The following NEU3 variants were observed in gnomAD, a reference collection of about 807,000 sequenced individuals.
NEU3 encodes neuraminidase 3, also known as sialidase-3.
A neutral mutation model predicts 11.4 loss-of-function variants in NEU3; 10 were observed. The ratio of observed to expected loss-of-function variants is 0.88; its 90% CI spans 0.54 to 1.49. NEU3 has a LOEUF of 1.49. Among genes scored for constraint, NEU3 ranks in the 40% most tolerant of loss-of-function variants. The pLI is 0.00. For synonymous variants in NEU3, 212 were observed against 228.2 expected, an observed-to-expected ratio of 0.93 and a Z score of 0.64; for missense variants, 529 against 581.8, an observed-to-expected ratio of 0.91 and a Z score of 0.93.
At chr11:75,017,325 T>G (rs1033505654) in intron 3 of NEU3, among the ~76,000 whole-genome samples, 1 of 152,118 alleles carries the variant, frequency 6.6e-6, no homozygotes, top group African/African-American at 2.4e-5. Flanking sequence ...CTTGCTAAGG[T>G]GCTGAGGCTG....
At chr11:75,000,623 AT>A (rs201642187) in intron 2 of NEU3, among the ~76,000 whole-genome samples, 9,179 of 142,664 alleles carry the variant, frequency 0.064, 321 homozygotes, top group South Asian at 0.23. Context: ...TTGTTTATAC[AT>A]TTTTTTTTTT....
chr11:74,988,538 T>C (rs2140229664), upstream of NEU3: 1 of 155,022 alleles, frequency 6.5e-6, no homozygotes, highest in African/African-American at 2.4e-5. Context: ...CATTTTCATA[T>C]TTTGCAAGGA....
intron 2 of NEU3, among the ~76,000 whole-genome samples, chr11:75,000,879 G>T (rs2140245242): frequency 1.3e-5 from 2 of 151,744 alleles, no homozygotes; most frequent in Admixed American, 1.3e-4. Context: ...GGATACTTTG[G>T]TTGCTTTTGC....
chr11:74,980,565 G>A, the NEU3 span, among the ~76,000 whole-genome samples: 9 of 152,154 alleles, frequency 5.9e-5, no homozygotes, highest in Admixed American at 2.0e-4. Context: ...TTAATAGCAC[G>A]TTAATTTAGA....
upstream of NEU3, chr11:74,988,894 T>C: frequency 1.6e-6 from 1 of 631,246 alleles, no homozygotes; most frequent in Non-Finnish European, 2.8e-6. Flanking sequence ...GACTACAGCC[T>C]GCGCCCGCCT....
intron 1 of NEU3, among the ~76,000 whole-genome samples, chr11:74,989,435 G>A (rs997299009): frequency 3.3e-5 from 5 of 152,176 alleles, no homozygotes; most frequent in Non-Finnish European, 5.9e-5. Flanking sequence ...GGCAGAAAGA[G>A]CCCTGAGCTT....
chr11:75,015,648 GTACT>G (rs1030255450), downstream of NEU3, among the ~76,000 whole-genome samples: 1 of 152,058 alleles, frequency 6.6e-6, no homozygotes, highest in African/African-American at 2.4e-5. Flanking sequence ...TTATGTTATG[GTACT>G]TACTTCTTCA....
the NEU3 span, among the ~76,000 whole-genome samples, chr11:74,982,221 C>A: frequency 6.6e-6 from 1 of 152,162 alleles, no homozygotes; most frequent in South Asian, 2.1e-4. Context: ...GACACAAAGC[C>A]GTTCTCCTTA....
At position 74,994,566 on chromosome 11, in the gene NEU3, A is replaced by G. The variant is rs1361787061; in HGVS notation, c.152A>G (p.Asp51Gly). 6.2e-7 allele frequency: 1 copy of G among 1,613,956 alleles called. No homozygotes were observed. The highest frequency in any genetic ancestry group is 2.2e-5 in the East Asian group (1 of 44,880). The change falls in exon 2 of 3, where the codon GAT becomes GGT. Residue 51 changes from aspartate to glycine, a missense_variant. Physicochemically the swap from Asp to Gly is moderately conservative, Grantham distance 94. Coordinates refer to ENST00000294064, the MANE Select transcript of NEU3 (RefSeq NM_006656.6). ...SFNSPLFRQE[D>G]DRGITYRIPA... ...AACAGCCCTCTGTTCCGGCAGGAAG[A>G]TGACAGAGGGATTACCTACCGGATC...
At chr11:74,985,606 C>T (rs1022995414), upstream of NEU3, among the ~76,000 whole-genome samples, 9 of 152,152 alleles carry the variant, frequency 5.9e-5, no homozygotes, top group Admixed American at 4.6e-4. Context: ...GAAGGACCCA[C>T]GCGACTCAGC....
intron 2 of NEU3, among the ~76,000 whole-genome samples, chr11:75,003,789 T>C (rs1168852321): frequency 2.0e-5 from 3 of 152,010 alleles, no homozygotes; most frequent in African/African-American, 4.8e-5. Flanking sequence ...ACTGAGGAGA[T>C]TGAGGCGTGA....
At position 74,994,116 on chromosome 11, in the gene NEU3, C is replaced by A. The variant is rs143700894; in HGVS notation, c.95-393C>A. Among the ~76,000 whole-genome samples the A allele has an allele frequency of 3.2e-3, 483 of 152,254 alleles. 3 individuals are homozygous for A. Among genetic ancestry groups the A allele is most frequent in the African/African-American group, 0.011 (469 of 41,546 alleles). On this transcript the variant is annotated intron_variant, in intron 1 of 2. Transcript: ENST00000294064. ...AGAAAAAAAGTTTTCCCAGAAAATT[C>A]TTAACCATAGGCATTCACTCATACA... is the stretch of plus-strand genomic sequence containing the variant.
chr11:75,016,015 C>T (rs371417624), intron 3 of NEU3, among the ~76,000 whole-genome samples: 8 of 152,280 alleles, frequency 5.3e-5, no homozygotes, highest in African/African-American at 1.7e-4. Context: ...AAAGAGACCT[C>T]GAGTTACTTG....
intron 2 of NEU3, among the ~76,000 whole-genome samples, chr11:75,004,113 A>C (rs1948873888): frequency 6.6e-6 from 1 of 152,192 alleles, no homozygotes; most frequent in African/African-American, 2.4e-5. Flanking sequence ...CATGATGGGA[A>C]AGGATAAATG....
At chr11:74,988,853 A>C (rs1948696344), upstream of NEU3, 1 of 561,752 alleles carries the variant, frequency 1.8e-6, no homozygotes, top group Non-Finnish European at 3.1e-6. Context: ...GGGCTCGCGG[A>C]GTAGGCCAAC....
upstream of NEU3, among the ~76,000 whole-genome samples, chr11:74,987,886 CTTTTTTTTTTTCTTTT>C (rs1321980890): frequency 1.2e-5 from 1 of 83,258 alleles, no homozygotes; most frequent in Non-Finnish European, 2.2e-5. Context: ...GGTTCTAGGC[CTTTTTTTTTTTCTTTT>C]TTTTTTTTTT....
intron 1 of NEU3, among the ~76,000 whole-genome samples, 187 bp from the exon 2 acceptor site, chr11:74,994,322 T>C (rs553190783): frequency 6.6e-6 from 1 of 152,368 alleles, no homozygotes; most frequent in East Asian, 1.9e-4. Context: ...TTCTCATTTG[T>C]TAAACAAGAA....
At chr11:75,013,995 G>C (rs1948970864), downstream of NEU3, among the ~76,000 whole-genome samples, 1 of 152,190 alleles carries the variant, frequency 6.6e-6, no homozygotes, top group South Asian at 2.1e-4. Context: ...GTAAGAGGCA[G>C]CTGATGAGGC....
chr11:75,000,193 C>T lies in NEU3; in HGVS notation c.307-5220C>T, dbSNP rs139839083. 6.2e-3 allele frequency among the ~76,000 whole-genome samples: 936 copies of T among 152,154 alleles called. 31 individuals are homozygous for T. The highest frequency in any genetic ancestry group is 2.1e-3 in the Non-Finnish European group (145 of 68,002). ...TGAGTAGATGGTCAGCCAAAACCTC[C>T]AAGTCTTTTTCACATTTGTTATTCT... On this transcript the variant is annotated intron_variant, in intron 2 of 2. Transcript: ENST00000294064.
Sources: gnomAD v4.1 joint callset for allele counts (sites outside exome capture counted in the v4.1 genomes callset) on GRCh38, gnomAD v4.1.1 for gene constraint, MANE v1.5 for transcripts, NCBI Gene and HGNC (gene_info 2026-07-23, HGNC 2026-07-21) for gene names.